LRMDA: variants seen among roughly 807,000 people sequenced by gnomAD.
LRMDA encodes the protein leucine-rich melanocyte differentiation-associated protein.
A neutral mutation model predicts 29.8 loss-of-function variants in LRMDA; 18 were observed. The observed-to-expected ratio is 0.60, with a 90% confidence interval of 0.42 to 0.90. LRMDA has a LOEUF of 0.90. Ranked by LOEUF, LRMDA falls within the 40% of genes least tolerant of loss-of-function variation. LRMDA has a pLI of 0.00. For missense variants in LRMDA, 273 were observed against 273.9 expected, an observed-to-expected ratio of 1.00 and a Z score of 0.02; for synonymous variants, 125 against 109.4, an observed-to-expected ratio of 1.14 and a Z score of -0.89.
intron 2 of LRMDA, among the ~76,000 whole-genome samples, chr10:75,795,237 T>C (rs1241590415): frequency 6.6e-6 from 1 of 151,962 alleles, no homozygotes; most frequent in African/African-American, 2.4e-5. Context: ...CTACTAAAAA[T>C]ACAAAAATTA....
chr10:76,194,879 A>G (rs1238976301), intron 5 of LRMDA, among the ~76,000 whole-genome samples: 2 of 152,340 alleles, frequency 1.3e-5, no homozygotes, highest in East Asian at 3.9e-4. Context: ...TAATGTTCCA[A>G]AGTACAATAT....
chr10:76,023,433 C>CT (rs1251331175), intron 2 of LRMDA, among the ~76,000 whole-genome samples: 1 of 152,120 alleles, frequency 6.6e-6, no homozygotes, highest in Non-Finnish European at 1.5e-5. Context: ...GCCCTGCTCT[C>CT]TTTTTTTGGC....
chr10:75,649,429 C>T (rs1841569707), intron 2 of LRMDA, among the ~76,000 whole-genome samples: 3 of 152,134 alleles, frequency 2.0e-5, no homozygotes, highest in Admixed American at 2.0e-4. Flanking sequence ...CTCTTCAGCA[C>T]TTTGTTTTTT....
intron 5 of LRMDA, among the ~76,000 whole-genome samples, chr10:76,092,880 T>A (rs1007120442): frequency 1.4e-4 from 21 of 152,364 alleles, no homozygotes; most frequent in African/African-American, 5.0e-4. Flanking sequence ...TTTCAATTTA[T>A]GCATTTTTTT....
intron 2 of LRMDA, among the ~76,000 whole-genome samples, chr10:75,759,231 G>A (rs1429131609): frequency 2.0e-5 from 3 of 152,142 alleles, no homozygotes; most frequent in Non-Finnish European, 2.9e-5. Context: ...TTAAGCTTGC[G>A]TAGATTGCTT....
At chr10:75,539,949 CA>C (rs1564795831) in intron 2 of LRMDA, among the ~76,000 whole-genome samples, 1 of 152,080 alleles carries the variant, frequency 6.6e-6, no homozygotes, top group African/African-American at 2.4e-5. Flanking sequence ...TATCAGCACC[CA>C]GGGGTTAAAG....
intron 6 of LRMDA, among the ~76,000 whole-genome samples, chr10:76,547,905 G>A (rs1843441652): frequency 6.6e-6 from 1 of 152,138 alleles, no homozygotes; most frequent in Non-Finnish European, 1.5e-5. Flanking sequence ...AGACATAGGA[G>A]AGAAGGGAAA....
chr10:75,444,363 G>A (rs527717046), intron 2 of LRMDA, among the ~76,000 whole-genome samples: 68 of 152,298 alleles, frequency 4.5e-4, no homozygotes, highest in Non-Finnish European at 8.1e-4. Context: ...GGAAATGGAA[G>A]CAAGAAAACA....
intron 2 of LRMDA, among the ~76,000 whole-genome samples, chr10:75,636,198 C>T: frequency 6.6e-6 from 1 of 152,188 alleles, no homozygotes; most frequent in East Asian, 1.9e-4. Context: ...AGAAATATTG[C>T]ATGGAACTTT....
intron 6 of LRMDA, among the ~76,000 whole-genome samples, chr10:76,455,419 G>A (rs1047653266): frequency 6.6e-6 from 1 of 152,170 alleles, no homozygotes; most frequent in Non-Finnish European, 1.5e-5. Context: ...TGAGGTAAGA[G>A]TATGCATCGA....
At chr10:76,018,332 A>G (rs1847912422) in intron 2 of LRMDA, among the ~76,000 whole-genome samples, 1 of 152,186 alleles carries the variant, frequency 6.6e-6, no homozygotes, top group African/African-American at 2.4e-5. Flanking sequence ...AGTCATGACA[A>G]TCAAAAATGT....
intron 5 of LRMDA, among the ~76,000 whole-genome samples, chr10:76,305,037 A>G (rs189008875): frequency 6.6e-6 from 1 of 152,274 alleles, no homozygotes; most frequent in African/African-American, 2.4e-5. Context: ...TTCCTTGTGA[A>G]TCTTCGTGGA....
chr10:76,102,654 TTTTG>T (rs903438050), intron 5 of LRMDA, among the ~76,000 whole-genome samples: 7 of 152,158 alleles, frequency 4.6e-5, no homozygotes, highest in Non-Finnish European at 8.8e-5. Flanking sequence ...TCTTTTGTTT[TTTTG>T]TTTGTTTGTT....
chr10:75,566,794 C>T (rs1013654947), intron 2 of LRMDA, among the ~76,000 whole-genome samples: 3 of 152,166 alleles, frequency 2.0e-5, no homozygotes, highest in Non-Finnish European at 4.4e-5. Flanking sequence ...TTTCAGTTGA[C>T]GTCTGGACAG....
chr10:76,202,823 T>C (rs1419530383), intron 5 of LRMDA, among the ~76,000 whole-genome samples: 1 of 152,008 alleles, frequency 6.6e-6, no homozygotes, highest in African/African-American at 2.4e-5. Context: ...TATTTCACAT[T>C]GCTGAGACAC....
At chr10:75,857,820 A>G (rs1273798220) in intron 2 of LRMDA, among the ~76,000 whole-genome samples, 1 of 152,162 alleles carries the variant, frequency 6.6e-6, no homozygotes, top group East Asian at 1.9e-4. Flanking sequence ...TACACATAAG[A>G]TGCACAGGTC....
At chr10:75,433,214 G>T (rs1239354133) in intron 1 of LRMDA, among the ~76,000 whole-genome samples, 1 of 152,120 alleles carries the variant, frequency 6.6e-6, no homozygotes, top group Admixed American at 6.5e-5. Context: ...GTCTCTCTGC[G>T]TTTCAGATTT....
chr10:75,733,179 C>T (rs1381722910), intron 2 of LRMDA, among the ~76,000 whole-genome samples: 2 of 152,222 alleles, frequency 1.3e-5, no homozygotes, highest in Admixed American at 6.5e-5. Context: ...GTTAGTATGA[C>T]AGCCATGCCC....
chr10:76,494,095 G>A (rs890242650), intron 6 of LRMDA, among the ~76,000 whole-genome samples: 2 of 151,888 alleles, frequency 1.3e-5, no homozygotes, highest in Non-Finnish European at 2.9e-5. Flanking sequence ...TTTCTGTATA[G>A]CTGATCATGT....
Sources: allele counts gnomAD v4.1 joint callset (sites outside exome capture counted in the v4.1 genomes callset), GRCh38; gene constraint gnomAD v4.1.1; transcripts MANE v1.5; gene names NCBI Gene and HGNC (gene_info 2026-07-23, HGNC 2026-07-21).